Variants in PHF20 observed in about 807,000 individuals in gnomAD.
PHF20 encodes PHD finger protein 20.
A neutral mutation model predicts 113.5 loss-of-function variants in PHF20; 23 were observed. That is an observed-to-expected ratio of 0.20 (90% CI 0.15 to 0.29). The LOEUF is 0.29. Ranked by LOEUF, PHF20 falls within the 10% of genes least tolerant of loss-of-function variation. The probability of loss-of-function intolerance (pLI) is 1.00; values close to 1 mark genes in which losing one functional copy is unlikely to be tolerated. For synonymous variants in PHF20, 434 were observed against 457.3 expected, an observed-to-expected ratio of 0.95 and a Z score of 0.65; for missense variants, 943 against 1,219.6, an observed-to-expected ratio of 0.77 and a Z score of 3.38.
intron 4 of PHF20, among the ~76,000 whole-genome samples, chr20:35,857,034 A>T (rs1173130202): frequency 6.6e-6 from 1 of 152,130 alleles, no homozygotes; most frequent in Non-Finnish European, 1.5e-5. Flanking sequence ...GGAGAAAACC[A>T]GGTCTTAACT....
At chr20:35,849,503 A>G (rs1291354369) in intron 4 of PHF20, 1 of 469,274 alleles carries the variant, frequency 2.1e-6, no homozygotes, top group East Asian at 7.0e-5. Context: ...TGTCTCTATA[A>G]GGTTTTGTGT....
chr20:35,841,290 C>T (rs993331516), intron 2 of PHF20, among the ~76,000 whole-genome samples: 1 of 151,952 alleles, frequency 6.6e-6, no homozygotes, highest in Non-Finnish European at 1.5e-5. Flanking sequence ...TTGCAGTGAG[C>T]CGAGATCACG....
At chr20:35,773,586 A>T (rs1406215927) in intron 1 of PHF20, among the ~76,000 whole-genome samples, 1 of 152,070 alleles carries the variant, frequency 6.6e-6, no homozygotes. Flanking sequence ...CCTATCTTTT[A>T]TCTTTCCGCT....
chr20:35,876,048 G>A (rs1443154580), intron 9 of PHF20, among the ~76,000 whole-genome samples: 3 of 152,204 alleles, frequency 2.0e-5, no homozygotes, highest in African/African-American at 7.2e-5. Flanking sequence ...GAGATTTCAT[G>A]TCGTCGTCTG....
chr20:35,914,374 C>A (rs1360937474), intron 12 of PHF20, among the ~76,000 whole-genome samples, 177 bp downstream of exon 12: 1 of 152,162 alleles, frequency 6.6e-6, no homozygotes, highest in Non-Finnish European at 1.5e-5. Flanking sequence ...ATATTGTAGT[C>A]TCTTAAGTGT....
chr20:35,916,907 G>A lies in PHF20; in HGVS notation c.1826-577G>A, dbSNP rs138526981. Among the ~76,000 whole-genome samples the A allele has an allele frequency of 1.5e-3, 225 of 152,266 alleles. 1 individual carries two copies. Among genetic ancestry groups the A allele is most frequent in the African/African-American group, 5.0e-3 (209 of 41,548 alleles). ...CTCCTCAGTAGCTGGGACTGTAGACGTGCATCACCGTGCCCAGCTAATTTT... is the reference window on the plus strand; with the variant it reads ...CTCCTCAGTAGCTGGGACTGTAGACATGCATCACCGTGCCCAGCTAATTTT... On this transcript the variant is annotated intron_variant, in intron 12 of 17. Transcript: ENST00000374012.
intron 2 of PHF20, among the ~76,000 whole-genome samples, chr20:35,827,798 A>AG (rs1175971637): frequency 3.3e-5 from 5 of 151,166 alleles, no homozygotes; most frequent in Admixed American, 6.6e-5. Flanking sequence ...AAAAAAAAAA[A>AG]AAAAGCAGAA....
chr20:35,776,526 T>C (rs945385672), intron 1 of PHF20, among the ~76,000 whole-genome samples: 1 of 152,198 alleles, frequency 6.6e-6, no homozygotes, highest in East Asian at 1.9e-4. Context: ...TTTCAAAAAA[T>C]TTTTTTGGAG....
At chr20:35,812,802 C>T (rs200415107) in intron 2 of PHF20, among the ~76,000 whole-genome samples, 11 of 152,134 alleles carry the variant, frequency 7.2e-5, no homozygotes, top group East Asian at 1.9e-4. Context: ...TACTCTGGTA[C>T]GTGTCAATAT....
At chr20:35,816,191 G>A (rs75301525) in intron 2 of PHF20, among the ~76,000 whole-genome samples, 7,277 of 152,124 alleles carry the variant, frequency 0.048, 215 homozygotes, top group African/African-American at 0.089. Flanking sequence ...TCTTGACCTC[G>A]TGATCCACTT....
intron 3 of PHF20, among the ~76,000 whole-genome samples, chr20:35,847,061 C>G (rs2042637352): frequency 2.0e-5 from 3 of 152,228 alleles, no homozygotes; most frequent in Admixed American, 6.5e-5. Context: ...TGTGAGACAG[C>G]ATTAATCTAT....
chr20:35,929,847 G>A (rs1018858333), intron 14 of PHF20, among the ~76,000 whole-genome samples: 9 of 152,186 alleles, frequency 5.9e-5, no homozygotes, highest in African/African-American at 9.7e-5. Context: ...TAACAGATTC[G>A]TTTTTTAAAG....
chr20:35,820,738 C>T (rs897348679), intron 2 of PHF20, among the ~76,000 whole-genome samples: 2 of 152,052 alleles, frequency 1.3e-5, no homozygotes, highest in Non-Finnish European at 2.9e-5. Context: ...TGTGAGCCAT[C>T]ACACCTGGCC....
intron 6 of PHF20, among the ~76,000 whole-genome samples, chr20:35,866,011 C>T (rs773291045): frequency 6.6e-6 from 1 of 152,048 alleles, no homozygotes; most frequent in South Asian, 2.1e-4. Context: ...GAGTTCGAGA[C>T]CAGCCTGGCC....
chr20:35,915,296 A>G (rs2055383320), intron 12 of PHF20, among the ~76,000 whole-genome samples: 1 of 150,436 alleles, frequency 6.6e-6, no homozygotes, highest in Non-Finnish European at 1.5e-5. Flanking sequence ...GACTCTTAAA[A>G]CATATCTTTG....
chr20:35,787,181 ATTT>A, intron 1 of PHF20, among the ~76,000 whole-genome samples: 1 of 150,406 alleles, frequency 6.6e-6, no homozygotes, highest in Non-Finnish European at 1.5e-5. Flanking sequence ...TTATTTATTT[ATTT>A]ATTTATTTAT....
At chr20:35,926,943 A>G (rs1184437740) in intron 13 of PHF20, among the ~76,000 whole-genome samples, 2 of 152,168 alleles carry the variant, frequency 1.3e-5, no homozygotes, top group South Asian at 2.1e-4. Flanking sequence ...GTGCCCTAGT[A>G]TCTCCTCGGG....
chr20:35,884,731 G>A (rs1048390938), intron 9 of PHF20, among the ~76,000 whole-genome samples: 3 of 152,148 alleles, frequency 2.0e-5, no homozygotes, highest in African/African-American at 4.8e-5. Context: ...TGCAAAAATA[G>A]CAAAAAGATT....
chr20:35,828,434 T>C (rs1161760711), intron 2 of PHF20, among the ~76,000 whole-genome samples: 3 of 152,182 alleles, frequency 2.0e-5, no homozygotes, highest in Non-Finnish European at 4.4e-5. Context: ...GATGTTTCTT[T>C]AGTTAGTATT....
Sources: gnomAD v4.1 joint callset for allele counts (sites outside exome capture counted in the v4.1 genomes callset) on GRCh38, gnomAD v4.1.1 for gene constraint, MANE v1.5 for transcripts, NCBI Gene and HGNC (gene_info 2026-07-23, HGNC 2026-07-21) for gene names.